DCC: variants seen among roughly 807,000 people sequenced by gnomAD.
The protein encoded by DCC is netrin receptor DCC.
Under a neutral mutation model 172.5 loss-of-function variants are expected in DCC, and 58 were observed. The ratio of observed to expected loss-of-function variants is 0.34; its 90% CI spans 0.27 to 0.42. DCC has a LOEUF of 0.42. DCC is among the 10% of genes least tolerant of loss of function. DCC has a pLI of 1.00. For missense variants in DCC, 1,740 were observed against 1,791.0 expected (o/e 0.97, Z 0.51); for synonymous variants, 709 against 644.5 (o/e 1.10, Z -1.52).
chr18:52,402,003 A>G (rs72918806), intron 1 of DCC, among the ~76,000 whole-genome samples: 14,190 of 152,044 alleles, frequency 0.093, 859 homozygotes, highest in Middle Eastern at 0.17. Context: ...AAAATTTCAC[A>G]TAAGATGGTT....
intron 1 of DCC, among the ~76,000 whole-genome samples, chr18:52,679,636 A>C (rs2035709011): frequency 1.3e-5 from 2 of 152,254 alleles, no homozygotes; most frequent in Non-Finnish European, 2.9e-5. Flanking sequence ...TTTTTGCTGA[A>C]CCAAACAGAA....
intron 15 of DCC, 33 bp downstream of exon 15, chr18:53,339,940 G>A (rs2057636959): frequency 6.4e-7 from 1 of 1,566,262 alleles, no homozygotes; most frequent in Admixed American, 1.7e-5. Context: ...ATTCTATTAA[G>A]GGGAATTAAT....
chr18:53,395,933 G>A (rs1481645158), intron 17 of DCC, among the ~76,000 whole-genome samples: 1 of 152,176 alleles, frequency 6.6e-6, no homozygotes, highest in Non-Finnish European at 1.5e-5. Context: ...GTGAGCCACA[G>A]CGCCAACCTA....
At chr18:52,416,871 C>T (rs1256494006) in intron 1 of DCC, among the ~76,000 whole-genome samples, 1 of 151,858 alleles carries the variant, frequency 6.6e-6, no homozygotes, top group African/African-American at 2.4e-5. Flanking sequence ...AGTCCATTTA[C>T]ATTTAAAGTG....
At chr18:52,720,816 C>T (rs1459980553) in intron 1 of DCC, among the ~76,000 whole-genome samples, 1 of 152,216 alleles carries the variant, frequency 6.6e-6, no homozygotes, top group African/African-American at 2.4e-5. Context: ...ACTAGGTGCA[C>T]ATGGGACCCC....
At position 53,526,831 on chromosome 18, in the gene DCC, C is replaced by T. The variant is rs540097576; in HGVS notation, c.4254+72C>T. The T allele has an allele frequency of 4.1e-6, 6 of 1,469,414 alleles. No individual in the cohort carries two copies. In the South Asian group the frequency reaches 6.9e-5, roughly 17 times the overall value. The allele number at this position is 1,469,414 out of a possible 1,614,324, so 91.0% of individuals were successfully genotyped here. On this transcript the variant is annotated intron_variant, in intron 28 of 28. Transcript: ENST00000442544. ...TGGCGCTGTGTAATAGCATCTAAACCAATGAGTACTGTCCATTCACCCCAG... is the reference window on the plus strand; with the variant it reads ...TGGCGCTGTGTAATAGCATCTAAACTAATGAGTACTGTCCATTCACCCCAG...
At chr18:52,937,931 G>T (rs922622204) in intron 5 of DCC, among the ~76,000 whole-genome samples, 4 of 152,096 alleles carry the variant, frequency 2.6e-5, no homozygotes, top group Non-Finnish European at 5.9e-5. Context: ...TTTGTACAGT[G>T]AGCGAGTGAC....
intron 13 of DCC, among the ~76,000 whole-genome samples, chr18:53,308,566 TAGTAGCCTCATGGCC>T (rs1456542143): frequency 1.1e-4 from 17 of 152,290 alleles, no homozygotes; most frequent in Non-Finnish European, 5.9e-5. Flanking sequence ...AACAAATGAA[TAGTAGCCTCATGGCC>T]AGTAGAATTT....
intron 1 of DCC, among the ~76,000 whole-genome samples, chr18:52,353,746 T>C (rs544391912): frequency 1.3e-5 from 2 of 152,212 alleles, no homozygotes; most frequent in South Asian, 2.1e-4. Context: ...GAAGAGAACA[T>C]GGGGTCTCAG....
intron 1 of DCC, among the ~76,000 whole-genome samples, chr18:52,412,636 AATTGAACC>A (rs1485931088): frequency 6.6e-6 from 1 of 152,174 alleles, no homozygotes; most frequent in African/African-American, 2.4e-5. Flanking sequence ...TACATATTCT[AATTGAACC>A]AAGGCTTGTG....
intron 3 of DCC, among the ~76,000 whole-genome samples, chr18:52,918,495 A>T (rs962203789): frequency 6.6e-6 from 1 of 152,158 alleles, no homozygotes; most frequent in African/African-American, 2.4e-5. Context: ...ATTAACTTTT[A>T]TAATTGTTTG....
chr18:52,950,570 G>A (rs191136495), intron 5 of DCC, among the ~76,000 whole-genome samples: 3 of 152,108 alleles, frequency 2.0e-5, no homozygotes, highest in Admixed American at 2.0e-4. Flanking sequence ...CAAGAGAGAA[G>A]GGTTACAGTC....
At chr18:52,829,389 C>T (rs552585062) in intron 2 of DCC, among the ~76,000 whole-genome samples, 2 of 152,256 alleles carry the variant, frequency 1.3e-5, no homozygotes, top group African/African-American at 2.4e-5. Flanking sequence ...CTATTATTTA[C>T]CCATCATCTC....
At chr18:52,490,890 G>A (rs2030467039) in intron 1 of DCC, among the ~76,000 whole-genome samples, 1 of 152,036 alleles carries the variant, frequency 6.6e-6, no homozygotes, top group Non-Finnish European at 1.5e-5. Context: ...TTAAAATAAG[G>A]AGTTGTGCTT....
At chr18:52,783,764 C>A (rs1283832085) in intron 2 of DCC, among the ~76,000 whole-genome samples, 1 of 151,824 alleles carries the variant, frequency 6.6e-6, no homozygotes, top group Non-Finnish European at 1.5e-5. Context: ...CAAGTAGGTA[C>A]AAGTTTATAC....
intron 7 of DCC, among the ~76,000 whole-genome samples, chr18:53,109,314 A>T (rs1270164704): frequency 6.6e-6 from 1 of 151,484 alleles, no homozygotes; most frequent in Non-Finnish European, 1.5e-5. Flanking sequence ...AATATTTTAT[A>T]ATATTTAATA....
At chr18:53,228,452 T>C (rs1044804622) in intron 12 of DCC, among the ~76,000 whole-genome samples, 1 of 152,096 alleles carries the variant, frequency 6.6e-6, no homozygotes, top group African/African-American at 2.4e-5. Flanking sequence ...ACACTTCAGC[T>C]CCGTAAGAGT....
At chr18:53,418,324 TC>T (rs1413552557) in intron 21 of DCC, among the ~76,000 whole-genome samples, 1 of 152,130 alleles carries the variant, frequency 6.6e-6, no homozygotes, top group African/African-American at 2.4e-5. Flanking sequence ...ACAAAATCAG[TC>T]TTCTGAGTTG....
chr18:53,068,880 T>C (rs2042613105), intron 7 of DCC, among the ~76,000 whole-genome samples: 2 of 151,918 alleles, frequency 1.3e-5, no homozygotes, highest in East Asian at 1.9e-4. Context: ...TCATGGTCTA[T>C]ACAAACCTGC....
Sources: gnomAD v4.1 joint callset for allele counts (sites outside exome capture counted in the v4.1 genomes callset) on GRCh38, gnomAD v4.1.1 for gene constraint, MANE v1.5 for transcripts, NCBI Gene and HGNC (gene_info 2026-07-23, HGNC 2026-07-21) for gene names.